ANKRD26: variants seen among roughly 807,000 people sequenced by gnomAD.
ANKRD26 encodes ankyrin repeat domain 26.
In ANKRD26, 141 loss-of-function variants were observed where a neutral mutation model predicts 208.7. That is an observed-to-expected ratio of 0.68 (90% confidence interval 0.59 to 0.78). The LOEUF (loss-of-function observed/expected upper bound fraction) is 0.78, where lower values mean the gene tolerates loss of function less well. Ranked by LOEUF, ANKRD26 falls within the 30% of genes least tolerant of loss-of-function variation. The pLI is 0.00. For missense variants in ANKRD26, 1,889 were observed against 1,938.7 expected (o/e 0.97, Z 0.48); for synonymous variants, 636 against 660.4 (o/e 0.96, Z 0.57).
At chr10:27,035,783 C>T (rs1450833270) in intron 23 of ANKRD26, 31 bp from the exon 24 acceptor site, 7 of 1,451,962 alleles carry the variant, frequency 4.8e-6, no homozygotes, top group Non-Finnish European at 6.7e-6. Context: ...TTTGAGCTAG[C>T]ACCCAAGAAA....
the ANKRD26 span, among the ~76,000 whole-genome samples, chr10:26,951,013 C>CTTTTTTTTTTTTTTTTTTTTTTTTTTTTT: frequency 5.5e-4 from 56 of 100,912 alleles, 9 homozygotes; most frequent in African/African-American, 3.1e-3. Flanking sequence ...CTTTTCTTTT[C>CTTTTTTTTTTTTTTTTTTTTTTTTTTTTT]TTTTTCTTTT....
intron 5 of ANKRD26, among the ~76,000 whole-genome samples, chr10:26,992,960 G>C (rs1415564134): frequency 6.6e-6 from 1 of 152,174 alleles, no homozygotes; most frequent in Non-Finnish European, 1.5e-5. Flanking sequence ...TGGTTTTGCA[G>C]CACAGCTTTC....
At chr10:27,096,761 A>C (rs1399751653) in intron 1 of ANKRD26, among the ~76,000 whole-genome samples, 32 of 138,482 alleles carry the variant, frequency 2.3e-4, no homozygotes, top group Non-Finnish European at 4.5e-4. Flanking sequence ...GCGAGACTCC[A>C]TCTCAAAAAA....
intron 5 of ANKRD26, among the ~76,000 whole-genome samples, chr10:26,979,912 T>A (rs2134618185): frequency 7.2e-6 from 1 of 138,098 alleles, no homozygotes; most frequent in East Asian, 2.0e-4. Context: ...TATAAATGCA[T>A]AACTCTGGCA....
intron 30 of ANKRD26, among the ~76,000 whole-genome samples, chr10:27,017,262 T>C (rs944115068): frequency 1.3e-5 from 2 of 152,252 alleles, no homozygotes; most frequent in Admixed American, 1.3e-4. Flanking sequence ...GGTTTTGTTT[T>C]ATGCCAACTG....
At chr10:27,084,804 T>A (rs1473187969) in intron 5 of ANKRD26, among the ~76,000 whole-genome samples, 2 of 150,312 alleles carry the variant, frequency 1.3e-5, no homozygotes, top group African/African-American at 4.9e-5. Flanking sequence ...AGGAGGCGGA[T>A]GTTGCAGTGA....
chr10:26,992,533 C>T (rs2052509156), intron 5 of ANKRD26, among the ~76,000 whole-genome samples: 1 of 151,350 alleles, frequency 6.6e-6, no homozygotes, highest in Admixed American at 6.6e-5. Flanking sequence ...GAGACTTTCC[C>T]AGATTTACAG....
At chr10:27,024,806 G>A (rs1564364833) in intron 27 of ANKRD26, among the ~76,000 whole-genome samples, 2 of 152,236 alleles carry the variant, frequency 1.3e-5, no homozygotes, top group South Asian at 2.1e-4. Context: ...AATACTAAGT[G>A]TTAATGAAAA....
At chr10:27,028,142 G>A (rs2053729622) in intron 27 of ANKRD26, among the ~76,000 whole-genome samples, 1 of 152,102 alleles carries the variant, frequency 6.6e-6, no homozygotes, top group East Asian at 1.9e-4. Flanking sequence ...CATAAGTGGA[G>A]GAACATCTGA....
intron 4 of ANKRD26, among the ~76,000 whole-genome samples, chr10:27,091,798 C>T (rs1044494855): frequency 8.6e-5 from 13 of 152,040 alleles, no homozygotes; most frequent in African/African-American, 2.2e-4. Context: ...ACCAGCCTGA[C>T]CAACATGATG....
At chr10:27,078,185 T>G (rs2055768913) in intron 7 of ANKRD26, among the ~76,000 whole-genome samples, 1 of 152,162 alleles carries the variant, frequency 6.6e-6, no homozygotes, top group Admixed American at 6.6e-5. Context: ...ATAGGCTGCT[T>G]CTATTCTGTC....
chr10:27,095,051 T>C (rs1297219193), intron 1 of ANKRD26, among the ~76,000 whole-genome samples: 1 of 152,048 alleles, frequency 6.6e-6, no homozygotes, highest in African/African-American at 2.4e-5. Context: ...GATTCTAAGA[T>C]GCTCATTTTC....
In ANKRD26 at chr10:27,006,039, A is replaced by G. The variant is rs190778799; in HGVS notation, c.5000-316T>C. On this transcript the variant is annotated intron_variant, in intron 33 of 33. Coordinates refer to ENST00000376087, the MANE Select transcript of ANKRD26 (RefSeq NM_014915.3). The stretch of plus-strand genomic sequence containing the variant: ...CCACCTCTAACAAACATATGCTATA[A>G]TCTGAAAAAAACAGACAAACATACA... Among the ~76,000 whole-genome samples the G allele has an allele frequency of 2.0e-5, 3 of 152,330 alleles. No homozygotes were observed. The East Asian group carries it at 5.8e-4, about 29-fold the overall frequency.
chr10:27,091,193 T>TATA (rs1330168134), intron 4 of ANKRD26, among the ~76,000 whole-genome samples: 1 of 152,200 alleles, frequency 6.6e-6, no homozygotes, highest in Non-Finnish European at 1.5e-5. Flanking sequence ...TCAAATGCTA[T>TATA]ATAATCTTAT....
At chr10:27,044,665 A>G (rs1233970925) in intron 18 of ANKRD26, among the ~76,000 whole-genome samples, 2 of 152,178 alleles carry the variant, frequency 1.3e-5, no homozygotes, top group East Asian at 1.9e-4. Context: ...AGGACTCACA[A>G]TGCAGGTACT....
Position 27,049,948 on chromosome 10 carries a change from C to T in ANKRD26, c.1636-969G>A, listed in dbSNP as rs953693246. On this transcript the variant is annotated intron_variant, in intron 16 of 33. Coordinates refer to ENST00000376087, the MANE Select transcript of ANKRD26 (RefSeq NM_014915.3). ...CTTTTAAAGAAGAATATTGGCCGGG[C>T]GCAGTGGCTCACGCCTGTAATCCCA... Among the ~76,000 whole-genome samples the T allele has an allele frequency of 5.9e-5, 9 of 151,906 alleles. No individual in the cohort carries two copies. The South Asian group carries it at 8.3e-4, about 14-fold the overall frequency.
chr10:26,970,664 T>C (rs2052129816), downstream of ANKRD26, among the ~76,000 whole-genome samples: 1 of 152,126 alleles, frequency 6.6e-6, no homozygotes, highest in Non-Finnish European at 1.5e-5. Flanking sequence ...AATGAAATAA[T>C]ATAGGCCCAC....
At chr10:26,990,712 G>C (rs2052471006), downstream of ANKRD26, among the ~76,000 whole-genome samples, 1 of 152,176 alleles carries the variant, frequency 6.6e-6, no homozygotes, top group Non-Finnish European at 1.5e-5. Context: ...CTTGTCTCCA[G>C]AGTGGAAATT....
chr10:26,954,786 C>T, the ANKRD26 span, among the ~76,000 whole-genome samples: 1 of 152,146 alleles, frequency 6.6e-6, no homozygotes, highest in East Asian at 1.9e-4. Flanking sequence ...GAATCTAAAG[C>T]ATGTTCAAAG....
Sources: gnomAD v4.1 joint callset for allele counts (sites outside exome capture counted in the v4.1 genomes callset) on GRCh38, gnomAD v4.1.1 for gene constraint, MANE v1.5 for transcripts, NCBI Gene and HGNC (gene_info 2026-07-23, HGNC 2026-07-21) for gene names.